RGS10: variants seen among roughly 807,000 people sequenced by gnomAD.
RGS10 encodes the protein regulator of G-protein signalling 10.
A neutral mutation model predicts 23.5 loss-of-function variants in RGS10; 11 were observed. That is an observed-to-expected ratio of 0.47 (90% CI 0.29 to 0.77). The LOEUF is 0.77. RGS10 is among the 30% of genes least tolerant of loss of function. RGS10 has a pLI of 0.08. For synonymous variants in RGS10, 77 were observed against 83.2 expected (o/e 0.92, Z 0.41); for missense variants, 180 against 226.3 (o/e 0.80, Z 1.31).
intron 4 of RGS10, among the ~76,000 whole-genome samples, chr10:119,508,955 G>C (rs1291474040): frequency 6.6e-6 from 1 of 151,712 alleles, no homozygotes; most frequent in African/African-American, 2.4e-5. Flanking sequence ...TTAAAAATTA[G>C]CCAAGTGTGG....
chr10:119,507,749 T>G (rs10787975), intron 4 of RGS10, among the ~76,000 whole-genome samples: 114,791 of 151,760 alleles, frequency 0.76, 44,184 homozygotes, highest in South Asian at 0.84. Context: ...CATGTCCGGC[T>G]ACTTTTTGTA....
At position 119,524,470 on chromosome 10, in the gene RGS10, T is replaced by C. The variant is rs1343336677; in HGVS notation, c.255+1562A>G. Among the ~76,000 whole-genome samples, 2 of 152,146 alleles carry C rather than the reference T, an allele frequency of 1.3e-5. No individual in the cohort carries two copies. The highest frequency in any genetic ancestry group is 4.8e-5 in the African/African-American group (2 of 41,436). ...AATAAGGCAGGGGAATGGACATCTG[T>C]TGGCTTGCTTGACTCTGAGCTAGGA... is the stretch of plus-strand genomic sequence containing the variant. On this transcript the variant is annotated intron_variant, in intron 3 of 4. Transcript: ENST00000369103. This position sits in a 1 kb window ranked among gnomAD's most constrained non-coding sequence, Gnocchi z 5.2.
rs1294363649 is a variant in RGS10, at chr10:119,517,049, A to G, written c.256-1397T>C. Among the ~76,000 whole-genome samples the G allele has an allele frequency of 6.6e-6, 1 of 152,188 alleles. No homozygotes were observed. The highest frequency in any genetic ancestry group is 1.5e-5 in the Non-Finnish European group (1 of 68,018). On this transcript the variant is annotated intron_variant, in intron 3 of 4. Transcript: ENST00000369103. This position sits in a 1 kb window ranked among gnomAD's most constrained non-coding sequence, Gnocchi z 5.0. ...AACTGCCTTTCTCTCCAAGAGCCCA[A>G]CTGGGGCTCCGCATGTGCTGTGGGG...
intron 4 of RGS10, among the ~76,000 whole-genome samples, chr10:119,503,106 G>A (rs980248536): frequency 9.9e-5 from 15 of 152,208 alleles, no homozygotes; most frequent in Middle Eastern, 3.4e-3. Flanking sequence ...GGCCGGGTGC[G>A]GTGGCTCATG....
chr10:119,532,864 A>C (rs957109594), intron 1 of RGS10, among the ~76,000 whole-genome samples: 2 of 151,610 alleles, frequency 1.3e-5, no homozygotes, highest in African/African-American at 2.4e-5. Flanking sequence ...TAAAACAAAA[A>C]CAAACAAACC....
Position 119,527,633 on chromosome 10 carries a change from T to G in RGS10, c.50-209A>C, listed in dbSNP as rs549435343. Among the ~76,000 whole-genome samples, 3 of 152,264 alleles carry G rather than the reference T, an allele frequency of 2.0e-5. No homozygotes were observed. The highest frequency in any genetic ancestry group is 1.3e-4 in the Admixed American group (2 of 15,288). ...ACTACTATTTCCTCCATTTTACAGA[T>G]GGGGGTAAACTGAGGCTCGGAGGGA... On this transcript the variant is annotated intron_variant, in intron 1 of 4. Transcript: ENST00000369103. The surrounding 1 kb of genome is among the most constrained non-coding windows in gnomAD (Gnocchi z 4.2).
In RGS10 at chr10:119,538,122, AAGGGAGGGAAGG is replaced by A. The variant is rs1844405865; in HGVS notation, c.49+4456_49+4467del. 6.6e-6 allele frequency among the ~76,000 whole-genome samples: 1 copy of A among 151,920 alleles called. No individual in the cohort carries two copies. The highest frequency in any genetic ancestry group is 2.1e-4 in the South Asian group (1 of 4,792). ...AATGTCCTGACTACAGAAAAGAAGG[AAGGGAGGGAAGG>A]AGGGAGGGAAGAAGGAAGGGAGGGA... On this transcript the variant is annotated intron_variant, in intron 1 of 4. Coordinates refer to ENST00000369103, the MANE Select transcript of RGS10 (RefSeq NM_001005339.2). The surrounding 1 kb of genome is among the most constrained non-coding windows in gnomAD (Gnocchi z 4.5).
chr10:119,514,360 G>C (rs1283800544), intron 4 of RGS10, among the ~76,000 whole-genome samples: 1 of 146,034 alleles, frequency 6.8e-6, no homozygotes, highest in African/African-American at 2.5e-5. Context: ...TCGTTTCAAA[G>C]AAAAAAACCT....
Position 119,515,385 on chromosome 10 carries a change from CG to C in RGS10, c.399+123del. The C allele has an allele frequency of 6.0e-6, 7 of 1,174,036 alleles. No individual in the cohort carries two copies. The South Asian group carries it at 8.9e-5, about 15-fold the overall frequency. 72.7% of individuals were successfully genotyped at this position (1,174,036 alleles called of 1,614,324 possible). ...CCAACCATGGCCCCTCAGTGTACCT[CG>C]GTCTGCCCGGCCGTATGAGATGGTT... is the stretch of plus-strand genomic sequence containing the variant. On this transcript the variant is annotated intron_variant, in intron 4 of 4. Transcript: ENST00000369103.
At chr10:119,529,202 T>C (rs1247204885) in intron 1 of RGS10, among the ~76,000 whole-genome samples, 1 of 151,962 alleles carries the variant, frequency 6.6e-6, no homozygotes, top group Non-Finnish European at 1.5e-5. Context: ...CCTGTAATCC[T>C]AGCACTTTAG....
rs1844284319 is a variant in RGS10, at chr10:119,527,147, G to A, written c.168+159C>T. Among the ~76,000 whole-genome samples, 1 of 152,134 alleles carries A rather than the reference G, an allele frequency of 6.6e-6. No individual in the cohort carries two copies. Among genetic ancestry groups the A allele is most frequent in the Non-Finnish European group, 1.5e-5 (1 of 68,038 alleles). ...CAACACAGTCATGACAGATGAGAAA[G>A]TCTCACCCTCAAGCTGGGATAGACA... On this transcript the variant is annotated intron_variant, in intron 2 of 4. Transcript: ENST00000369103. The surrounding 1 kb of genome is among the most constrained non-coding windows in gnomAD (Gnocchi z 4.2).
chr10:119,535,083 A>G (rs1251138214), intron 1 of RGS10, among the ~76,000 whole-genome samples: 1 of 152,102 alleles, frequency 6.6e-6, no homozygotes, highest in Non-Finnish European at 1.5e-5. Flanking sequence ...ATGGGAAATC[A>G]CGGCCCAAAC....
chr10:119,527,164 G>A lies in RGS10; in HGVS notation c.168+142C>T, dbSNP rs537328400. 3 of 607,622 alleles carry A rather than the reference G, an allele frequency of 4.9e-6. No homozygotes were observed. Among genetic ancestry groups the A allele is most frequent in the Admixed American group, 2.9e-5 (1 of 33,934 alleles). 37.6% of individuals were successfully genotyped at this position (607,622 alleles called of 1,614,324 possible). On this transcript the variant is annotated intron_variant, in intron 2 of 4. Transcript: ENST00000369103. The surrounding 1 kb of genome is among the most constrained non-coding windows in gnomAD (Gnocchi z 4.2). ...ATGAGAAAGTCTCACCCTCAAGCTG[G>A]GATAGACAGTACTGAACTCTCAAGC...
intron 3 of RGS10, among the ~76,000 whole-genome samples, chr10:119,521,697 T>A (rs1199296691): frequency 3.0e-5 from 4 of 133,796 alleles, no homozygotes; most frequent in African/African-American, 8.4e-5. Context: ...ATAGATCCTA[T>A]ACTATCCCAG....
chr10:119,502,518 T>C (rs1405389347), intron 4 of RGS10, among the ~76,000 whole-genome samples: 1 of 152,102 alleles, frequency 6.6e-6, no homozygotes, highest in Non-Finnish European at 1.5e-5. Context: ...AACATCCTGT[T>C]TGCCTGTAGT....
intron 1 of RGS10, among the ~76,000 whole-genome samples, chr10:119,542,338 C>A (rs1844442697): frequency 6.6e-6 from 1 of 152,232 alleles, no homozygotes; most frequent in South Asian, 2.1e-4. Context: ...CAGACCATCA[C>A]TAAAAAGAAA....
At chr10:119,514,139 T>C (rs551255996) in intron 4 of RGS10, among the ~76,000 whole-genome samples, 1 of 152,110 alleles carries the variant, frequency 6.6e-6, no homozygotes, top group African/African-American at 2.4e-5. Context: ...GCGGATCAGT[T>C]GAGGCCAGGA....
chr10:119,508,779 C>T (rs1454880668), intron 4 of RGS10, among the ~76,000 whole-genome samples: 2 of 152,162 alleles, frequency 1.3e-5, no homozygotes, highest in Non-Finnish European at 2.9e-5. Flanking sequence ...TAACAATAAG[C>T]ATGTACTAAT....
intron 1 of RGS10, among the ~76,000 whole-genome samples, chr10:119,540,568 G>A (rs1378821283): frequency 6.6e-6 from 1 of 152,180 alleles, no homozygotes; most frequent in Non-Finnish European, 1.5e-5. Flanking sequence ...CGACCTTTCT[G>A]TCAGTGATGT....
Sources: allele counts gnomAD v4.1 joint callset (sites outside exome capture counted in the v4.1 genomes callset), GRCh38; gene constraint gnomAD v4.1.1; non-coding constraint Gnocchi (gnomAD v3.1); transcripts MANE v1.5; gene names NCBI Gene and HGNC (gene_info 2026-07-23, HGNC 2026-07-21).